The following TECRL variants were observed in gnomAD, a reference collection of about 807,000 sequenced individuals.
The protein encoded by TECRL is trans-2,3-enoyl-CoA reductase-like.
A neutral mutation model predicts 52.8 loss-of-function variants in TECRL; 63 were observed. The ratio of observed to expected loss-of-function variants is 1.19; its 90% CI spans 0.97 to 1.47. The LOEUF is 1.47. Ranked by LOEUF, TECRL falls within the 40% of genes most tolerant of loss-of-function variation. TECRL has a pLI of 0.00. For missense variants in TECRL, 482 were observed against 429.6 expected, an observed-to-expected ratio of 1.12 and a Z score of -1.08; for synonymous variants, 164 against 141.9, an observed-to-expected ratio of 1.16 and a Z score of -1.10.
At chr4:64,292,488 A>C (rs529071312) in intron 8 of TECRL, among the ~76,000 whole-genome samples, 1 of 152,114 alleles carries the variant, frequency 6.6e-6, no homozygotes, top group African/African-American at 2.4e-5. Flanking sequence ...TTGCCCAGAT[A>C]AATTTAGAAA....
rs111993645 is a variant in TECRL, at chr4:64,280,295, T to C, written c.965-96A>G. The C allele has an allele frequency of 6.9e-4, 687 of 990,386 alleles. 10 individuals carry two copies. In the African/African-American group the frequency reaches 9.5e-3, roughly 14 times the overall value. 61.3% of individuals were successfully genotyped at this position (990,386 alleles called of 1,614,324 possible). A position where few individuals can be genotyped will look rare whatever the true frequency, so the allele number is the denominator to read the frequency against. On this transcript the variant is annotated intron_variant, in intron 11 of 11. Coordinates refer to ENST00000381210, the MANE Select transcript of TECRL (RefSeq NM_001010874.5). ...CTAGCATGTTTAGCTTTTAAGATGTTTCTCAAATGTTGCATAATTTCTTAT... is the reference window on the plus strand; with the variant it reads ...CTAGCATGTTTAGCTTTTAAGATGTCTCTCAAATGTTGCATAATTTCTTAT...
intron 2 of TECRL, among the ~76,000 whole-genome samples, chr4:64,343,552 A>G (rs542690577): frequency 8.2e-4 from 124 of 152,058 alleles, no homozygotes; most frequent in African/African-American, 2.9e-3. Flanking sequence ...ATATTTATTT[A>G]CTGTCACTAA....
intron 2 of TECRL, among the ~76,000 whole-genome samples, chr4:64,342,714 A>G (rs1367058555): frequency 6.6e-6 from 1 of 152,158 alleles, no homozygotes; most frequent in East Asian, 1.9e-4. Context: ...AAAAGTATCT[A>G]TCTATTCAGG....
intron 1 of TECRL, among the ~76,000 whole-genome samples, chr4:64,395,168 T>C (rs2128750): frequency 0.88 from 132,954 of 151,904 alleles, 59,424 homozygotes; most frequent in East Asian, 1. Flanking sequence ...GATCCTCCTG[T>C]CTCAGCCCCC....
At chr4:64,402,734 T>C (rs1473040831) in intron 1 of TECRL, among the ~76,000 whole-genome samples, 3 of 152,082 alleles carry the variant, frequency 2.0e-5, no homozygotes, top group Non-Finnish European at 4.4e-5. Flanking sequence ...TAGAAAGTAA[T>C]CTCAAGAATG....
intron 2 of TECRL, among the ~76,000 whole-genome samples, chr4:64,345,227 T>C (rs1393720033): frequency 6.6e-6 from 1 of 152,174 alleles, no homozygotes; most frequent in Non-Finnish European, 1.5e-5. Context: ...ATATAAATCA[T>C]GCTGCTATAA....
chr4:64,324,748 G>A (rs1718135882), intron 3 of TECRL, among the ~76,000 whole-genome samples: 1 of 151,866 alleles, frequency 6.6e-6, no homozygotes, highest in Non-Finnish European at 1.5e-5. Context: ...CATGTAAATT[G>A]ATTACTATTT....
intron 2 of TECRL, among the ~76,000 whole-genome samples, chr4:64,356,773 T>A (rs1041886813): frequency 3.9e-5 from 6 of 152,186 alleles, no homozygotes; most frequent in African/African-American, 1.4e-4. Context: ...CATTTTTCTT[T>A]CTCCATACTT....
intron 2 of TECRL, among the ~76,000 whole-genome samples, chr4:64,334,030 C>CAAAAAAAAAAAAAAAAAAAAAAAAAAAAA (rs4034910): frequency 7.1e-5 from 2 of 28,028 alleles, no homozygotes; most frequent in Admixed American, 5.4e-4. Context: ...GACTCCGTCT[C>CAAAAAAAAAAAAAAAAAAAAAAAAAAAAA]AAAAAAAAAA....
chr4:64,346,210 G>A (rs1719970212), intron 2 of TECRL, among the ~76,000 whole-genome samples: 3 of 152,178 alleles, frequency 2.0e-5, no homozygotes, highest in Admixed American at 2.0e-4. Flanking sequence ...AGAAGCATCT[G>A]TGGCTTTTCC....
At chr4:64,339,674 T>G (rs1006268867) in intron 2 of TECRL, among the ~76,000 whole-genome samples, 1 of 152,040 alleles carries the variant, frequency 6.6e-6, no homozygotes, top group Admixed American at 6.6e-5. Context: ...CTTGATCTAC[T>G]CAAATCTGAA....
intron 1 of TECRL, among the ~76,000 whole-genome samples, chr4:64,383,609 ATCTT>A (rs1722967593): frequency 6.6e-6 from 1 of 151,430 alleles, no homozygotes; most frequent in African/African-American, 2.4e-5. Flanking sequence ...TATTATATCT[ATCTT>A]TTTGTTAAAT....
chr4:64,376,222 G>A (rs1392193979), intron 1 of TECRL, among the ~76,000 whole-genome samples: 1 of 151,812 alleles, frequency 6.6e-6, no homozygotes, highest in Non-Finnish European at 1.5e-5. Context: ...ACAGGATTGT[G>A]ACTAAGCATT....
intron 9 of TECRL, among the ~76,000 whole-genome samples, chr4:64,281,849 A>C (rs1450560742): frequency 1.3e-5 from 2 of 151,846 alleles, no homozygotes; most frequent in Non-Finnish European, 2.9e-5. Context: ...AAATATATAT[A>C]AATTATTTTT....
chr4:64,303,966 G>A (rs993020743), intron 7 of TECRL, among the ~76,000 whole-genome samples: 1 of 151,546 alleles, frequency 6.6e-6, no homozygotes, highest in Admixed American at 6.6e-5. Flanking sequence ...TCTTTTCATG[G>A]CATCATTTTT....
chr4:64,351,193 C>T (rs1266257786), intron 2 of TECRL, among the ~76,000 whole-genome samples: 2 of 150,680 alleles, frequency 1.3e-5, no homozygotes, highest in African/African-American at 4.9e-5. Context: ...TATGAATATA[C>T]AATTAGACAT....
intron 1 of TECRL, among the ~76,000 whole-genome samples, chr4:64,408,892 T>C (rs1724907702): frequency 1.3e-5 from 2 of 152,154 alleles, no homozygotes; most frequent in Admixed American, 1.3e-4. Context: ...AGAACCTCAT[T>C]ATTATCTACC....
At chr4:64,277,627 T>G (rs898101079), downstream of TECRL, 2 of 151,842 alleles carry the variant, frequency 1.3e-5, no homozygotes, top group Non-Finnish European at 3.0e-5. Context: ...CAATATATTG[T>G]CACATATATA....
In TECRL at chr4:64,309,950, C is replaced by T. The variant is rs1314003334; in HGVS notation, c.552-19G>A. On this transcript the variant is annotated intron_variant, in intron 5 of 11. Coordinates refer to ENST00000381210, the MANE Select transcript of TECRL (RefSeq NM_001010874.5). Reference sequence around the variant, plus strand: ...AGCCAAGCTGGAAAAAAAAATAAAACATAAACATGAAAATCCTTTTGAAGT... The same window carrying T: ...AGCCAAGCTGGAAAAAAAAATAAAATATAAACATGAAAATCCTTTTGAAGT... 2 of 1,497,130 alleles carry T rather than the reference C, an allele frequency of 1.3e-6. No individual in the cohort carries two copies. The highest frequency in any genetic ancestry group is 1.9e-5 in the Admixed American group (1 of 51,654). 92.7% of individuals were successfully genotyped at this position (1,497,130 alleles called of 1,614,324 possible). A position where few individuals can be genotyped will look rare whatever the true frequency, so the allele number is the denominator to read the frequency against.
Sources: gnomAD v4.1 joint callset for allele counts (sites outside exome capture counted in the v4.1 genomes callset) on GRCh38, gnomAD v4.1.1 for gene constraint, MANE v1.5 for transcripts, NCBI Gene and HGNC (gene_info 2026-07-23, HGNC 2026-07-21) for gene names.